ZNF131: variants seen among roughly 807,000 people sequenced by gnomAD.
ZNF131 encodes the protein zinc finger and BTB domain containing 35, also known as zinc finger protein 131.
ZNF131 carries 7 observed loss-of-function variants against 60.0 expected under a neutral mutation model. The observed-to-expected ratio is 0.12, with a 90% CI of 0.07 to 0.22. ZNF131 has a LOEUF of 0.22. Ranked by LOEUF, ZNF131 falls within the 10% of genes least tolerant of loss-of-function variation. The pLI is 1.00. For missense variants in ZNF131, 493 were observed against 740.9 expected (o/e 0.67, Z 3.88); for synonymous variants, 257 against 253.2 (o/e 1.01, Z -0.14).
At chr5:43,156,074 G>C (rs1468370046) in intron 4 of ZNF131, among the ~76,000 whole-genome samples, 1 of 152,184 alleles carries the variant, frequency 6.6e-6, no homozygotes, top group South Asian at 2.1e-4. Context: ...CAGTTGGGGT[G>C]ATTCCCTCTG....
At chr5:43,128,124 CT>C (rs955974538) in intron 3 of ZNF131, among the ~76,000 whole-genome samples, 1 of 152,210 alleles carries the variant, frequency 6.6e-6, no homozygotes, top group Non-Finnish European at 1.5e-5. Context: ...CAGTTGTTCA[CT>C]TTAACATTTT....
intron 4 of ZNF131, among the ~76,000 whole-genome samples, chr5:43,155,859 C>T (rs1045146864): frequency 6.6e-6 from 1 of 152,184 alleles, no homozygotes; most frequent in African/African-American, 2.4e-5. Context: ...TTATCAGCAA[C>T]CCCTGCTGAT....
chr5:43,167,670 A>G (rs1750527906), intron 5 of ZNF131, among the ~76,000 whole-genome samples: 1 of 152,210 alleles, frequency 6.6e-6, no homozygotes, highest in East Asian at 1.9e-4. Context: ...ATAATGCCAT[A>G]TACCACTAGG....
chr5:43,128,665 A>AAAAAC (rs1210698292), intron 3 of ZNF131, among the ~76,000 whole-genome samples: 4 of 151,058 alleles, frequency 2.6e-5, no homozygotes. Flanking sequence ...TCAAAAAAAA[A>AAAAAC]AAAAAAAAAA....
In ZNF131 at chr5:43,133,914, G is replaced by A. The variant is rs142736901; in HGVS notation, c.227-5251G>A. On this transcript the variant is annotated intron_variant, in intron 3 of 6. Coordinates refer to ENST00000682664, the MANE Select transcript of ZNF131 (RefSeq NM_001330707.2). ...CAGAAACCTTCCAACAAAGAAAAGCGTAGGACCAGATGGGTTCATTGATTA... is the reference window on the plus strand; with the variant it reads ...CAGAAACCTTCCAACAAAGAAAAGCATAGGACCAGATGGGTTCATTGATTA... Among the ~76,000 whole-genome samples the A allele has an allele frequency of 1.5e-3, 229 of 152,266 alleles. 1 individual carries two copies. The highest frequency in any genetic ancestry group is 2.6e-3 in the Admixed American group (40 of 15,288).
At position 43,175,523 on chromosome 5, in the gene ZNF131, T is replaced by C. The variant is rs1222526930; in HGVS notation, c.*390T>C. The C allele has an allele frequency of 1.0e-5, 7 of 689,682 alleles. No individual in the cohort carries two copies. The highest frequency in any genetic ancestry group is 1.8e-5 in the Non-Finnish European group (7 of 381,520). 42.7% of individuals were successfully genotyped at this position (689,682 alleles called of 1,614,324 possible). The stretch of plus-strand genomic sequence containing the variant: ...CTTAAATCATTAGAATACAAGTTTA[T>C]GTATTCTAATGCATGTTAGAAAATT... On this transcript the variant is annotated 3_prime_UTR_variant, in exon 7 of 7. Transcript: ENST00000682664.
At chr5:43,140,196 G>A in intron 4 of ZNF131, among the ~76,000 whole-genome samples, 1 of 152,192 alleles carries the variant, frequency 6.6e-6, no homozygotes, top group Non-Finnish European at 1.5e-5. Context: ...CTGCATACCA[G>A]CTAGGGGGAA....
At chr5:43,159,435 G>A (rs1432064085) in intron 4 of ZNF131, among the ~76,000 whole-genome samples, 3 of 151,764 alleles carry the variant, frequency 2.0e-5, no homozygotes, top group Non-Finnish European at 4.4e-5. Flanking sequence ...GGCTCTTACC[G>A]GTAATTCCAG....
chr5:43,142,193 AT>A (rs1335939177), intron 4 of ZNF131, among the ~76,000 whole-genome samples: 2 of 151,566 alleles, frequency 1.3e-5, no homozygotes, highest in Middle Eastern at 3.2e-3. Context: ...TACAAAAAAA[AT>A]TAGCCAGGCG....
intron 3 of ZNF131, among the ~76,000 whole-genome samples, chr5:43,132,124 CACTT>C (rs1294624766): frequency 8.5e-5 from 13 of 152,272 alleles, no homozygotes; most frequent in African/African-American, 1.4e-4. Flanking sequence ...ACTTTGGAAA[CACTT>C]ACACATTGTT....
rs59888761 is a variant in ZNF131 at position 43,175,719 on chromosome 5, T to TAAAAA, written c.*597_*601dup. The stretch of plus-strand genomic sequence containing the variant: ...GGTGGTGGCAAAATTTCTAGAATGT[T>TAAAAA]AAAAAAAAAAAAAAATCCACACCCA... On this transcript the variant is annotated 3_prime_UTR_variant, in exon 7 of 7. Coordinates refer to ENST00000682664, the MANE Select transcript of ZNF131 (RefSeq NM_001330707.2). 0.054 allele frequency: 12,228 copies of TAAAAA among 224,862 alleles called. 560 individuals carry two copies. Among genetic ancestry groups the TAAAAA allele is most frequent in the African/African-American group, 0.15 (6,158 of 40,756 alleles). The allele number at this position is 224,862 out of a possible 1,614,324, so 13.9% of individuals were successfully genotyped here.
intron 5 of ZNF131, chr5:43,168,066 A>C (rs1240732476): frequency 1.0e-5 from 4 of 401,800 alleles, no homozygotes; most frequent in African/African-American, 8.4e-5. Flanking sequence ...GGTTTCTCTT[A>C]CTCTTCTTTT....
chr5:43,159,290 A>G (rs1749341207), intron 4 of ZNF131, among the ~76,000 whole-genome samples: 1 of 152,212 alleles, frequency 6.6e-6, no homozygotes, highest in African/African-American at 2.4e-5. Context: ...GAAAGTTTTC[A>G]GTTCACAAGA....
At chr5:43,163,955 A>G (rs1330136116) in intron 5 of ZNF131, among the ~76,000 whole-genome samples, 32 of 152,176 alleles carry the variant, frequency 2.1e-4, no homozygotes, top group Non-Finnish European at 5.9e-5. Context: ...GTCCAAACTT[A>G]CTGTCAGTAT....
chr5:43,134,321 T>C (rs1306320206), intron 3 of ZNF131, among the ~76,000 whole-genome samples: 2 of 152,158 alleles, frequency 1.3e-5, no homozygotes, highest in African/African-American at 4.8e-5. Flanking sequence ...CAAAATTTAA[T>C]ACCCTTTCTC....
Position 43,173,385 on chromosome 5 carries a change from C to T in ZNF131, c.1122C>T (p.His374=). The change falls in exon 6 of 7, where the codon CAC becomes CAT. Residue 374 remains histidine (H), a synonymous_variant. Transcript: ENST00000682664. ...CTAGAAATAGCACTCTGAAATGTCA[C>T]CTCACTGCATGCCAAACTGGAGTAG... The part of the protein sequence containing the change: ...RFARNSTLKC[H]LTACQTGVGA... The T allele has an allele frequency of 6.2e-7, 1 of 1,613,142 alleles. No homozygotes were observed. Among genetic ancestry groups the T allele is most frequent in the Non-Finnish European group, 8.5e-7 (1 of 1,179,296 alleles).
chr5:43,153,370 A>AT (rs1223393543), intron 4 of ZNF131, among the ~76,000 whole-genome samples: 2 of 150,748 alleles, frequency 1.3e-5, no homozygotes, highest in Non-Finnish European at 2.9e-5. Context: ...AACGCCTGTA[A>AT]TCCCAGCACT....
rs575970462 is a variant in ZNF131 at position 43,138,126 on chromosome 5, G to C, written c.227-1039G>C. On this transcript the variant is annotated intron_variant, in intron 3 of 6. Transcript: ENST00000682664. ...GCAGTTACTAATCAGTGGGCATAAAGTTTCAATTGCGCAAGATGAATAAAC... is the reference window on the plus strand; with the variant it reads ...GCAGTTACTAATCAGTGGGCATAAACTTTCAATTGCGCAAGATGAATAAAC... Among the ~76,000 whole-genome samples the C allele has an allele frequency of 4.6e-5, 7 of 152,298 alleles. No homozygotes were observed. In the South Asian group the frequency reaches 1.2e-3, roughly 27 times the overall value.
At chr5:43,169,839 G>A (rs1441826719) in intron 5 of ZNF131, among the ~76,000 whole-genome samples, 23 of 150,926 alleles carry the variant, frequency 1.5e-4, no homozygotes, top group Admixed American at 1.5e-3. Flanking sequence ...CACCCAGACT[G>A]GAGTGCAATG....
Sources: allele counts gnomAD v4.1 joint callset (sites outside exome capture counted in the v4.1 genomes callset), GRCh38; gene constraint gnomAD v4.1.1; transcripts MANE v1.5; gene names NCBI Gene and HGNC (gene_info 2026-07-23, HGNC 2026-07-21).